Variants in C12orf75 observed in about 807,000 individuals in gnomAD.
C12orf75 encodes chromosome 12 open reading frame 75.
In C12orf75, 4 loss-of-function variants were observed where a neutral mutation model predicts 11.4. The ratio of observed to expected loss-of-function variants is 0.35; its 90% CI spans 0.17 to 0.80. The LOEUF is 0.80. Among genes scored for constraint, C12orf75 ranks in the 30% least tolerant of loss-of-function variants. The pLI is 0.52. For synonymous variants in C12orf75, 30 were observed against 30.0 expected, an observed-to-expected ratio of 1.00 and a Z score of 0.00; for missense variants, 89 against 80.4, an observed-to-expected ratio of 1.11 and a Z score of -0.41.
At chr12:105,335,330 A>G (rs1050176784) in intron 1 of C12orf75, among the ~76,000 whole-genome samples, 5 of 152,180 alleles carry the variant, frequency 3.3e-5, no homozygotes, top group African/African-American at 1.2e-4. Context: ...ACATCTGTAA[A>G]TGGTTTGGTA....
chr12:105,365,776 TG>T (rs761012197), intron 2 of C12orf75, 30 bp from the exon 3 acceptor site: 52 of 1,497,794 alleles, frequency 3.5e-5, no homozygotes, highest in Middle Eastern at 3.4e-4. Flanking sequence ...TGTAACCAAG[TG>T]TCTCATAGCA....
chr12:105,333,328 G>C (rs752522438), intron 1 of C12orf75, among the ~76,000 whole-genome samples: 1 of 152,212 alleles, frequency 6.6e-6, no homozygotes, highest in Non-Finnish European at 1.5e-5. Context: ...ACAATGCAAA[G>C]GTACTGAAAA....
At chr12:105,340,357 G>A (rs1385127297) in intron 1 of C12orf75, among the ~76,000 whole-genome samples, 1 of 150,546 alleles carries the variant, frequency 6.6e-6, no homozygotes, top group Admixed American at 6.6e-5. Context: ...CCTGGGAGGC[G>A]GAGGTTGCAG....
In C12orf75 at chr12:105,339,598, A is replaced by T. The variant is rs116950836; in HGVS notation, c.46+8661A>T. On this transcript the variant is annotated intron_variant, in intron 1 of 5. Coordinates refer to ENST00000443585, the MANE Select transcript of C12orf75 (RefSeq NM_001145199.2). ...AAAAGGTATTAATGGACTAAAATGT[A>T]TATGACCTTTTCTTTCTTTCTTTCT... Among the ~76,000 whole-genome samples the T allele has an allele frequency of 7.6e-3, 1,160 of 152,146 alleles. 8 individuals are homozygous for T. Among genetic ancestry groups the T allele is most frequent in the Non-Finnish European group, 0.014 (963 of 67,970 alleles).
At chr12:105,359,773 G>GA (rs34188320) in intron 2 of C12orf75, among the ~76,000 whole-genome samples, 24,468 of 83,090 alleles carry the variant, frequency 0.29, 2,576 homozygotes, top group Non-Finnish European at 0.32. Flanking sequence ...TCCTTCTCCA[G>GA]AAAAAAAAAA....
At chr12:105,337,384 G>T (rs1298428820) in intron 1 of C12orf75, among the ~76,000 whole-genome samples, 2 of 152,146 alleles carry the variant, frequency 1.3e-5, no homozygotes, top group Admixed American at 1.3e-4. Context: ...TCATTTCAGG[G>T]CTGGCCAAGT....
intron 1 of C12orf75, among the ~76,000 whole-genome samples, chr12:105,337,792 A>AT (rs1225067793): frequency 6.6e-6 from 1 of 152,112 alleles, no homozygotes; most frequent in Non-Finnish European, 1.5e-5. Context: ...GTTTATGCCT[A>AT]TTTTTTAGTA....
intron 1 of C12orf75, among the ~76,000 whole-genome samples, chr12:105,334,697 G>A (rs1400979440): frequency 1.3e-5 from 2 of 152,126 alleles, no homozygotes; most frequent in South Asian, 2.1e-4. Context: ...TTGCACTCTC[G>A]CTCACTCTCA....
chr12:105,342,498 T>C (rs1566137066), intron 1 of C12orf75, among the ~76,000 whole-genome samples: 1 of 152,218 alleles, frequency 6.6e-6, no homozygotes. Context: ...TCTTTATAAA[T>C]TATCCAGTCT....
rs1442763541 is a variant in C12orf75 at position 105,330,860 on chromosome 12, T to G, written c.-32T>G. On this transcript the variant is annotated 5_prime_UTR_variant, in exon 1 of 6. Transcript: ENST00000443585. ...GCCCCCAGGACCCGCGGCCGAGAGC[T>G]CCGGAGCGCGGCTTCCCCGGCCGGC... 4.8e-6 allele frequency: 6 copies of G among 1,251,960 alleles called. No individual in the cohort carries two copies. The highest frequency in any genetic ancestry group is 6.0e-6 in the Non-Finnish European group (6 of 999,506). 77.6% of individuals were successfully genotyped at this position (1,251,960 alleles called of 1,614,324 possible).
chr12:105,332,956 G>C (rs940841223), intron 1 of C12orf75, among the ~76,000 whole-genome samples: 1 of 149,322 alleles, frequency 6.7e-6, no homozygotes, highest in Non-Finnish European at 1.5e-5. Flanking sequence ...GCTACCGAAA[G>C]AGTAGTTTGA....
At chr12:105,362,869 T>G (rs1284603986) in intron 2 of C12orf75, among the ~76,000 whole-genome samples, 1 of 152,180 alleles carries the variant, frequency 6.6e-6, no homozygotes, top group Admixed American at 6.5e-5. Context: ...GTAGTACTGG[T>G]CTTGCAAGAT....
At chr12:105,347,143 T>C (rs1446921456) in intron 1 of C12orf75, among the ~76,000 whole-genome samples, 1 of 152,192 alleles carries the variant, frequency 6.6e-6, no homozygotes, top group Non-Finnish European at 1.5e-5. Flanking sequence ...CAGATAAAGA[T>C]ATTGGGAGGA....
Position 105,366,373 on chromosome 12 carries a change from A to G in C12orf75, c.108-244A>G, listed in dbSNP as rs1871473092. 4 of 356,460 alleles carry G rather than the reference A, an allele frequency of 1.1e-5. No individual in the cohort carries two copies. The Admixed American group carries it at 1.3e-4, about 12-fold the overall frequency. 22.1% of individuals were successfully genotyped at this position (356,460 alleles called of 1,614,324 possible). A position where few individuals can be genotyped will look rare whatever the true frequency, so the allele number is the denominator to read the frequency against. ...ATCCCAAAGTCTTTTCTTCTTTCTC[A>G]TTACAAGTAAAATATCTAAAAATTC... is the stretch of plus-strand genomic sequence containing the variant. On this transcript the variant is annotated intron_variant, in intron 3 of 5. Coordinates refer to ENST00000443585, the MANE Select transcript of C12orf75 (RefSeq NM_001145199.2).
At chr12:105,348,886 C>A (rs1255661840) in intron 2 of C12orf75, among the ~76,000 whole-genome samples, 1 of 151,550 alleles carries the variant, frequency 6.6e-6, no homozygotes, top group Non-Finnish European at 1.5e-5. Context: ...TGTTTTCCAT[C>A]CCAACTGGTA....
At chr12:105,369,312 C>T (rs953392174) in intron 5 of C12orf75, among the ~76,000 whole-genome samples, 4 of 152,342 alleles carry the variant, frequency 2.6e-5, no homozygotes, top group Middle Eastern at 3.4e-3. Flanking sequence ...AGGCAGCTAG[C>T]TAAAACATTT....
intron 2 of C12orf75, among the ~76,000 whole-genome samples, chr12:105,365,476 G>A (rs969576607): frequency 3.3e-5 from 5 of 152,152 alleles, no homozygotes; most frequent in Non-Finnish European, 7.4e-5. Flanking sequence ...GGAGTGGGTG[G>A]TACACACAAG....
intron 2 of C12orf75, among the ~76,000 whole-genome samples, chr12:105,364,249 T>C (rs550157851): frequency 1.3e-5 from 2 of 152,306 alleles, no homozygotes; most frequent in South Asian, 4.1e-4. Context: ...CCATTTTAAT[T>C]AAAAGTAGTG....
chr12:105,365,672 T>C, intron 2 of C12orf75, 135 bp from the exon 3 acceptor site: 1 of 670,026 alleles, frequency 1.5e-6, no homozygotes, highest in Non-Finnish European at 2.8e-6. Flanking sequence ...ATAGTTTTGC[T>C]CCTCTACTTA....
Sources: allele counts gnomAD v4.1 joint callset (sites outside exome capture counted in the v4.1 genomes callset), GRCh38; gene constraint gnomAD v4.1.1; transcripts MANE v1.5; gene names NCBI Gene and HGNC (gene_info 2026-07-23, HGNC 2026-07-21).